The following VTI1A variants were observed in gnomAD, a reference collection of about 807,000 sequenced individuals.
VTI1A encodes the protein vesicle transport through interaction with t-SNAREs 1A, also known as vesicle transport through interaction with t-SNAREs homolog 1A.
Under a neutral mutation model 34.9 loss-of-function variants are expected in VTI1A, and 22 were observed. The ratio of observed to expected loss-of-function variants is 0.63; its 90% CI spans 0.45 to 0.90. The LOEUF is 0.90. Among genes scored for constraint, VTI1A ranks in the 40% least tolerant of loss-of-function variants. The probability of loss-of-function intolerance (pLI) is 0.00; values close to 1 mark genes in which losing one functional copy is unlikely to be tolerated. For synonymous variants in VTI1A, 87 were observed against 97.3 expected (o/e 0.89, Z 0.62); for missense variants, 268 against 275.6 (o/e 0.97, Z 0.20).
At chr10:112,543,027 A>G (rs1048585632) in intron 5 of VTI1A, among the ~76,000 whole-genome samples, 2 of 152,322 alleles carry the variant, frequency 1.3e-5, no homozygotes, top group African/African-American at 4.8e-5. Context: ...TTATGGCTGC[A>G]TAGTATTCCA....
chr10:112,772,491 C>A (rs973924931), intron 7 of VTI1A, among the ~76,000 whole-genome samples: 1 of 152,188 alleles, frequency 6.6e-6, no homozygotes, highest in African/African-American at 2.4e-5. Flanking sequence ...TATTCTACAG[C>A]GTGTCTTCTT....
chr10:112,626,165 T>G (rs1845916181), intron 5 of VTI1A, among the ~76,000 whole-genome samples: 1 of 152,142 alleles, frequency 6.6e-6, no homozygotes, highest in Non-Finnish European at 1.5e-5. Context: ...CACAAAACCT[T>G]CCTTTTTCAG....
intron 7 of VTI1A, among the ~76,000 whole-genome samples, chr10:112,746,303 C>T (rs1045896033): frequency 6.6e-6 from 1 of 152,210 alleles, no homozygotes; most frequent in Admixed American, 6.5e-5. Context: ...AAATATAGTA[C>T]AGTCCTTAGG....
rs142128951 is a variant in VTI1A, at chr10:112,536,843, C to T, written c.343-1403C>T. ...CGCATCTCAGATGTGTCACCTATGC[C>T]GGGAGGGAATAAGGAAATCACGTTG... On this transcript the variant is annotated intron_variant, in intron 4 of 7. Transcript: ENST00000393077. Among the ~76,000 whole-genome samples the T allele has an allele frequency of 4.0e-4, 61 of 151,586 alleles. No individual in the cohort carries two copies. The East Asian group carries it at 0.011, about 28-fold the overall frequency.
chr10:112,577,410 G>A (rs1843752836), intron 5 of VTI1A, among the ~76,000 whole-genome samples: 1 of 152,154 alleles, frequency 6.6e-6, no homozygotes, highest in African/African-American at 2.4e-5. Context: ...ATATATAATT[G>A]TATAATGATT....
intron 3 of VTI1A, among the ~76,000 whole-genome samples, chr10:112,515,919 A>G (rs551387061): frequency 6.6e-6 from 1 of 152,232 alleles, no homozygotes; most frequent in Non-Finnish European, 1.5e-5. Flanking sequence ...ATTCTTATTC[A>G]TTTGAAATGC....
At chr10:112,457,678 G>T (rs529842753) in intron 1 of VTI1A, among the ~76,000 whole-genome samples, 61 of 152,288 alleles carry the variant, frequency 4.0e-4, no homozygotes, top group South Asian at 1.2e-3. Context: ...TACATAATAT[G>T]ATAGTTTTAA....
chr10:112,534,040 C>A (rs1850538881), intron 4 of VTI1A, among the ~76,000 whole-genome samples: 1 of 152,098 alleles, frequency 6.6e-6, no homozygotes, highest in Non-Finnish European at 1.5e-5. Context: ...GGGAAACACA[C>A]ATATGTTATA....
intron 3 of VTI1A, among the ~76,000 whole-genome samples, chr10:112,489,304 A>G (rs543589828): frequency 2.9e-4 from 44 of 152,104 alleles, no homozygotes; most frequent in African/African-American, 9.4e-4. Context: ...GATACAAGGT[A>G]CTCCCTGAAT....
At chr10:112,677,198 G>A (rs569131957) in intron 7 of VTI1A, among the ~76,000 whole-genome samples, 1 of 152,250 alleles carries the variant, frequency 6.6e-6, no homozygotes, top group Admixed American at 6.5e-5. Context: ...TTTTCCGAAA[G>A]GGTAATGGAT....
At chr10:112,616,822 G>C (rs1347109795) in intron 5 of VTI1A, among the ~76,000 whole-genome samples, 4 of 152,110 alleles carry the variant, frequency 2.6e-5, no homozygotes, top group Non-Finnish European at 5.9e-5. Context: ...GAGACAATTA[G>C]TGAATTGGAA....
chr10:112,590,442 C>T (rs539651917), intron 5 of VTI1A, among the ~76,000 whole-genome samples: 58 of 152,256 alleles, frequency 3.8e-4, no homozygotes, highest in African/African-American at 1.4e-3. Context: ...CTTGCAATCC[C>T]AGCAATTTGG....
At chr10:112,491,502 G>A (rs1257104738) in intron 3 of VTI1A, among the ~76,000 whole-genome samples, 1 of 152,178 alleles carries the variant, frequency 6.6e-6, no homozygotes, top group Non-Finnish European at 1.5e-5. Flanking sequence ...TTCAATAGAA[G>A]TGTTATGGCA....
intron 3 of VTI1A, among the ~76,000 whole-genome samples, chr10:112,499,101 G>GAGAT (rs1385782350): frequency 6.6e-6 from 1 of 152,150 alleles, no homozygotes; most frequent in Admixed American, 6.5e-5. Context: ...TAGGTAAGGG[G>GAGAT]AGATATGGCA....
At position 112,481,099 on chromosome 10, in the gene VTI1A, A is replaced by C. The variant is rs186806794; in HGVS notation, c.264+16442A>C. Among the ~76,000 whole-genome samples the C allele has an allele frequency of 9.8e-5, 15 of 152,296 alleles. 1 individual carries two copies. The East Asian group carries it at 2.9e-3, about 29-fold the overall frequency. ...TATATTTAATGAAGCACCTGAAACAATGAAGCTTTTTCTTCCATATGGGTT... is the reference window on the plus strand; with the variant it reads ...TATATTTAATGAAGCACCTGAAACACTGAAGCTTTTTCTTCCATATGGGTT... On this transcript the variant is annotated intron_variant, in intron 3 of 7. Transcript: ENST00000393077.
At chr10:112,766,945 G>T (rs1477423909) in intron 7 of VTI1A, among the ~76,000 whole-genome samples, 2 of 152,218 alleles carry the variant, frequency 1.3e-5, no homozygotes, top group African/African-American at 2.4e-5. Flanking sequence ...TTGTGGTTTA[G>T]TGAGAAAAAC....
intron 3 of VTI1A, among the ~76,000 whole-genome samples, chr10:112,491,066 T>C (rs1387900978): frequency 1.3e-5 from 2 of 152,154 alleles, no homozygotes; most frequent in Non-Finnish European, 2.9e-5. Flanking sequence ...CTGATCTTTT[T>C]ATATTTTCCT....
At chr10:112,618,297 G>T (rs2134549497) in intron 5 of VTI1A, among the ~76,000 whole-genome samples, 1 of 151,486 alleles carries the variant, frequency 6.6e-6, no homozygotes, top group African/African-American at 2.4e-5. Context: ...AATGAAATGA[G>T]ATAAGTAGCA....
In VTI1A at chr10:112,755,513, G is replaced by A. The variant is rs115267325; in HGVS notation, c.561-59777G>A. On this transcript the variant is annotated intron_variant, in intron 7 of 7. Transcript: ENST00000393077. ...CCTTATAACTTACCAGGGTCTGCAC[G>A]TGGACCAAATGTCCCTGCACGGAGC... 2.4e-3 allele frequency among the ~76,000 whole-genome samples: 363 copies of A among 152,288 alleles called. 3 individuals carry two copies. Among genetic ancestry groups the A allele is most frequent in the African/African-American group, 8.2e-3 (342 of 41,558 alleles).
Sources: gnomAD v4.1 joint callset for allele counts (sites outside exome capture counted in the v4.1 genomes callset) on GRCh38, gnomAD v4.1.1 for gene constraint, MANE v1.5 for transcripts, NCBI Gene and HGNC (gene_info 2026-07-23, HGNC 2026-07-21) for gene names.